PSG11: variants seen among roughly 807,000 people sequenced by gnomAD.
PSG11 encodes pregnancy specific beta-1-glycoprotein 11, also known as pregnancy-specific beta-1-glycoprotein 11.
PSG11 carries 42 observed loss-of-function variants against 36.0 expected under a neutral mutation model. The observed-to-expected ratio is 1.17, with a 90% CI of 0.91 to 1.51. The LOEUF is 1.51. Ranked by LOEUF, PSG11 falls within the 40% of genes most tolerant of loss-of-function variation. The pLI is 0.00. For synonymous variants in PSG11, 206 were observed against 153.5 expected (o/e 1.34, Z -2.53); for missense variants, 558 against 403.5 (o/e 1.38, Z -3.28).
chr19:43,010,932 G>C (rs1974061617), intron 4 of PSG11, among the ~76,000 whole-genome samples: 1 of 148,822 alleles, frequency 6.7e-6, no homozygotes, highest in African/African-American at 2.5e-5. Context: ...GGAAGGTACT[G>C]TTGAGGGGCA....
intron 4 of PSG11, 182 bp from the exon 5 acceptor site, chr19:43,010,223 T>C: frequency 1.4e-6 from 2 of 1,452,834 alleles, no homozygotes; most frequent in Non-Finnish European, 9.1e-7. Flanking sequence ...TCTCACCATG[T>C]TTCTCAGTTG....
chr19:43,008,689 C>A (rs1599665667), intron 5 of PSG11, among the ~76,000 whole-genome samples: 2 of 151,170 alleles, frequency 1.3e-5, no homozygotes, highest in Admixed American at 6.6e-5. Flanking sequence ...AATAAGGTGG[C>A]TTTTCCATTC....
chr19:43,018,505 G>T lies in PSG11; in HGVS notation c.709+265C>A, dbSNP rs1161769742. On this transcript the variant is annotated intron_variant, in intron 3 of 5. Transcript: ENST00000320078. ...CAGCCAAATCCTCGCTGTGTTCACT[G>T]ATCTGGAGCCTGAGACATTCACCTG... 5.0e-6 allele frequency: 4 copies of T among 804,248 alleles called. No individual in the cohort carries two copies. The Admixed American group carries it at 8.9e-5, about 18-fold the overall frequency. The allele number at this position is 804,248 out of a possible 1,614,324, so 49.8% of individuals were successfully genotyped here.
At chr19:43,025,341 G>C (rs1967217859) in intron 1 of PSG11, 1 of 463,336 alleles carries the variant, frequency 2.2e-6, no homozygotes, top group African/African-American at 2.0e-5. Flanking sequence ...TCTTCCCCAG[G>C]GGTCCGCATG....
Position 43,024,600 on chromosome 19 carries a change from A to C in PSG11, c.430+91T>G, listed in dbSNP as rs1729879970. The stretch of plus-strand genomic sequence containing the variant: ...CATGGGACATAATGCAGAGAGGGAC[A>C]CAGGCAATGTCCAGGCCTGACAATC... On this transcript the variant is annotated intron_variant, in intron 2 of 5. Coordinates refer to ENST00000320078, the MANE Select transcript of PSG11 (RefSeq NM_002785.3). 1.9e-6 allele frequency: 3 copies of C among 1,598,796 alleles called. No individual in the cohort carries two copies. The Admixed American group carries it at 5.0e-5, about 27-fold the overall frequency.
Position 43,015,142 on chromosome 19 carries a change from G to T in PSG11, c.938C>A (p.Ser313Tyr). Residue 313 changes from serine (S) to tyrosine (Y), a missense_variant, in exon 4 of 6, where the codon TCC (serine) becomes TAC (tyrosine). Transcript: ENST00000320078. ...ARNSATGEES[S>Y]TSLTIRVIAP... ...AATGACTCTGATTGTCAAGGATGTG[G>T]AGCTTTCCTCGCCAGTGGCTGAGTT... 1 of 1,612,016 alleles carries T rather than the reference G, an allele frequency of 6.2e-7. No homozygotes were observed. Among genetic ancestry groups the T allele is most frequent in the Non-Finnish European group, 8.5e-7 (1 of 1,178,972 alleles).
intron 3 of PSG11, chr19:43,018,213 G>C (rs1485296701): frequency 5.9e-6 from 1 of 169,404 alleles, no homozygotes; most frequent in Non-Finnish European, 1.3e-5. Flanking sequence ...AGTGATTTGG[G>C]GTATGAAGAA....
chr19:43,012,220 C>T (rs1396999513), intron 4 of PSG11, among the ~76,000 whole-genome samples: 1 of 151,378 alleles, frequency 6.6e-6, no homozygotes, highest in East Asian at 1.9e-4. Flanking sequence ...CTGAAAGCTT[C>T]CCCTCTATGA....
Position 43,021,652 on chromosome 19 carries a change from A to G in PSG11, c.431-2604T>C, listed in dbSNP as rs554700966. On this transcript the variant is annotated intron_variant, in intron 2 of 5. Transcript: ENST00000320078. ...TCAGCCACTGTGCCCAGCCATCTCA[A>G]AGGGATTTTAATGAGTTGTTGACTT... is the stretch of plus-strand genomic sequence containing the variant. Among the ~76,000 whole-genome samples the G allele has an allele frequency of 1.3e-3, 194 of 151,540 alleles. 2 individuals are homozygous for G. The highest frequency in any genetic ancestry group is 4.4e-3 in the African/African-American group (183 of 41,166).
intron 1 of PSG11, chr19:43,025,346 C>T (rs558724257): frequency 4.0e-5 from 18 of 448,938 alleles, no homozygotes; most frequent in Admixed American, 7.5e-5. Context: ...CCCAGGGGTC[C>T]GCATGGCCCC....
At position 43,024,898 on chromosome 19, in the gene PSG11, G is replaced by A. The variant is rs747354252; in HGVS notation, c.223C>T (p.Leu75Phe). Reference protein sequence around the residue: ...YIWYKGQIRDLYHYITSYVVD... With the variant: ...YIWYKGQIRDFYHYITSYVVD... ...ACATATGATGTAATGTAATGGTAGA[G>A]GTCCCTGATTTGCCCTTTGTACCAG... is the stretch of plus-strand genomic sequence containing the variant. The change falls in exon 2 of 6, where the codon CTC becomes TTC. Residue 75 changes from leucine to phenylalanine, a missense_variant. Coordinates refer to ENST00000320078, the MANE Select transcript of PSG11 (RefSeq NM_002785.3). The A allele has an allele frequency of 8.1e-6, 13 of 1,611,688 alleles. No individual in the cohort carries two copies. The highest frequency in any genetic ancestry group is 1.1e-5 in the South Asian group (1 of 90,820).
At chr19:43,020,148 G>A (rs940492373) in intron 2 of PSG11, among the ~76,000 whole-genome samples, 10 of 151,462 alleles carry the variant, frequency 6.6e-5, no homozygotes, top group South Asian at 2.1e-4. Context: ...TGCAGGACGA[G>A]GAGGTTCTAG....
At chr19:43,009,581 G>A (rs947269454) in intron 5 of PSG11, among the ~76,000 whole-genome samples, 7 of 151,402 alleles carry the variant, frequency 4.6e-5, no homozygotes, top group Non-Finnish European at 4.4e-5. Context: ...TATATGCAAG[G>A]AACATTTCAA....
At chr19:43,015,085 C>G in intron 4 of PSG11, 31 bp downstream of exon 4, 1 of 1,611,136 alleles carries the variant, frequency 6.2e-7, no homozygotes. Context: ...CACCTAAAAC[C>G]CTATTGCCAA....
intron 4 of PSG11, among the ~76,000 whole-genome samples, chr19:43,013,799 T>G (rs1472675261): frequency 6.6e-6 from 1 of 151,314 alleles, no homozygotes; most frequent in Admixed American, 6.6e-5. Context: ...TGAAAGAAAT[T>G]TGAACAAATA....
chr19:43,024,067 C>T (rs1421784488), intron 2 of PSG11, among the ~76,000 whole-genome samples: 2 of 151,376 alleles, frequency 1.3e-5, no homozygotes, highest in African/African-American at 2.4e-5. Flanking sequence ...TGATGACCTA[C>T]AAAGCTTGTC....
Position 43,015,418 on chromosome 19 carries a change from G to A in PSG11, c.710-48C>T. The A allele has an allele frequency of 3.8e-6, 6 of 1,569,402 alleles. 1 individual carries two copies. Among genetic ancestry groups the A allele is most frequent in the Non-Finnish European group, 3.5e-6 (4 of 1,154,918 alleles). On this transcript the variant is annotated intron_variant, in intron 3 of 5. Coordinates refer to ENST00000320078, the MANE Select transcript of PSG11 (RefSeq NM_002785.3). Reference sequence around the variant, plus strand: ...ACAGTTGATGTCATCTGAGGGAAGGGGAAGCTCCTTGTCTCTTAAAGGGAC... The same window carrying A: ...ACAGTTGATGTCATCTGAGGGAAGGAGAAGCTCCTTGTCTCTTAAAGGGAC...
rs202161443 is a variant in PSG11, at chr19:43,015,853, G to A, written c.710-483C>T. The A allele has an allele frequency of 9.9e-5, 160 of 1,610,036 alleles. 3 individuals are homozygous for A. The highest frequency in any genetic ancestry group is 1.2e-4 in the Non-Finnish European group (147 of 1,178,982). ...TTGATAGGGTCCTGTTTCATTTCTC[G>A]TGACACTGGGTAGAATGAGGATCCT... is the stretch of plus-strand genomic sequence containing the variant. On this transcript the variant is annotated intron_variant, in intron 3 of 5. Coordinates refer to ENST00000320078, the MANE Select transcript of PSG11 (RefSeq NM_002785.3).
chr19:43,021,216 C>T (rs1406228167), intron 2 of PSG11, among the ~76,000 whole-genome samples: 1 of 151,304 alleles, frequency 6.6e-6, no homozygotes, highest in Non-Finnish European at 1.5e-5. Context: ...TATGTTGATC[C>T]ACTTTTTTTC....
Sources: allele counts gnomAD v4.1 joint callset (sites outside exome capture counted in the v4.1 genomes callset), GRCh38; gene constraint gnomAD v4.1.1; transcripts MANE v1.5; gene names NCBI Gene and HGNC (gene_info 2026-07-23, HGNC 2026-07-21).